CNGB3: variants seen among roughly 807,000 people sequenced by gnomAD.
CNGB3 encodes the protein cyclic nucleotide-gated channel beta-3.
A neutral mutation model predicts 92.8 loss-of-function variants in CNGB3; 86 were observed. That is an observed-to-expected ratio of 0.93 (90% CI 0.78 to 1.11). The LOEUF (loss-of-function observed/expected upper bound fraction) is 1.11, where lower values mean the gene tolerates loss of function less well. CNGB3 is among the 50% of genes least tolerant of loss of function. The pLI, the probability that CNGB3 is intolerant of heterozygous loss-of-function variation, is 0.00. For synonymous variants in CNGB3, 333 were observed against 332.7 expected, an observed-to-expected ratio of 1.00 and a Z score of -0.01; for missense variants, 1,026 against 956.8, an observed-to-expected ratio of 1.07 and a Z score of -0.95.
intron 2 of CNGB3, among the ~76,000 whole-genome samples, chr8:86,736,459 A>T (rs999078670): frequency 6.6e-6 from 1 of 152,200 alleles, no homozygotes; most frequent in Non-Finnish European, 1.5e-5. Context: ...TGAAAAAAGT[A>T]TGACAAAGAT....
intron 13 of CNGB3, among the ~76,000 whole-genome samples, chr8:86,616,804 G>A (rs1209955487): frequency 6.6e-6 from 1 of 152,146 alleles, no homozygotes; most frequent in Non-Finnish European, 1.5e-5. Context: ...GATAAGAACT[G>A]GAGTCCCAGG....
intron 17 of CNGB3, among the ~76,000 whole-genome samples, chr8:86,578,335 A>G (rs1331295299): frequency 6.6e-6 from 1 of 152,212 alleles, no homozygotes; most frequent in African/African-American, 2.4e-5. Flanking sequence ...GCTGTTGTCC[A>G]CAAATGACCA....
At chr8:86,717,407 C>CA (rs1390548560) in intron 3 of CNGB3, among the ~76,000 whole-genome samples, 3 of 151,640 alleles carry the variant, frequency 2.0e-5, no homozygotes, top group Non-Finnish European at 4.4e-5. Context: ...ACTAAAAATA[C>CA]AAAAAATTAG....
At chr8:86,719,623 C>T (rs546158353) in intron 3 of CNGB3, among the ~76,000 whole-genome samples, 2 of 152,236 alleles carry the variant, frequency 1.3e-5, no homozygotes, top group Non-Finnish European at 2.9e-5. Context: ...CACCATCATT[C>T]TTCACAGAAC....
At chr8:86,660,763 A>C in intron 6 of CNGB3, 1 of 523,630 alleles carries the variant, frequency 1.9e-6, no homozygotes, top group Admixed American at 2.0e-5. Context: ...ACACCACTCA[A>C]ACAAATGGAG....
chr8:86,684,389 G>A (rs553257502), intron 3 of CNGB3, among the ~76,000 whole-genome samples: 1 of 152,194 alleles, frequency 6.6e-6, no homozygotes, highest in East Asian at 1.9e-4. Context: ...CTCATACACT[G>A]CTGCTTGGAA....
chr8:86,593,078 T>C (rs1436731177), intron 15 of CNGB3, among the ~76,000 whole-genome samples: 2 of 152,208 alleles, frequency 1.3e-5, no homozygotes, highest in African/African-American at 4.8e-5. Flanking sequence ...AGATTTTTTT[T>C]CTGTAAAACA....
Position 86,636,572 on chromosome 8 carries a change from CAAAAAAAAAAAAAAAAAA to C in CNGB3, c.1179-3697_1179-3680del, listed in dbSNP as rs57907634. Among the ~76,000 whole-genome samples, 3 of 40,092 alleles carry C rather than the reference CAAAAAAAAAAAAAAAAAA, an allele frequency of 7.5e-5. No individual in the cohort carries two copies. In the East Asian group the frequency reaches 2.8e-3, roughly 38 times the overall value. 26.3% of individuals were successfully genotyped at this position (40,092 alleles called of 152,430 possible). On this transcript the variant is annotated intron_variant, in intron 10 of 17. Transcript: ENST00000320005. Reference sequence around the variant, plus strand: ...GGGGTGACAGAGTAAGACCCTGTCTCAAAAAAAAAAAAAAAAAAAAAAAAAAAAAGGCACTAATGTTAA... The same window carrying C: ...GGGGTGACAGAGTAAGACCCTGTCTCAAAAAAAAAAAGGCACTAATGTTAA...
At chr8:86,656,950 C>A (rs1823520306) in intron 6 of CNGB3, among the ~76,000 whole-genome samples, 3 of 152,142 alleles carry the variant, frequency 2.0e-5, no homozygotes, top group Admixed American at 1.3e-4. Context: ...CTGGAATATA[C>A]AAAATTTTAC....
chr8:86,587,685 C>G (rs1369730570), intron 15 of CNGB3, among the ~76,000 whole-genome samples: 1 of 150,776 alleles, frequency 6.6e-6, no homozygotes, highest in African/African-American at 2.4e-5. Flanking sequence ...CTGTTCTGTT[C>G]CATTGATCTA....
At chr8:86,654,779 G>A (rs1489614992) in intron 6 of CNGB3, among the ~76,000 whole-genome samples, 1 of 151,916 alleles carries the variant, frequency 6.6e-6, no homozygotes, top group Non-Finnish European at 1.5e-5. Context: ...CAGTTTTCTT[G>A]GATTCTTGGG....
chr8:86,583,317 A>G (rs28684678), intron 15 of CNGB3, among the ~76,000 whole-genome samples: 138,233 of 152,258 alleles, frequency 0.91, 63,020 homozygotes, highest in African/African-American at 0.97. Context: ...TAAGGGCTGA[A>G]AGGGAAGAAT....
intron 14 of CNGB3, among the ~76,000 whole-genome samples, chr8:86,608,569 T>G (rs1822456067): frequency 6.6e-6 from 1 of 152,226 alleles, no homozygotes; most frequent in African/African-American, 2.4e-5. Context: ...CCTAACCGTC[T>G]CCCTGTGATG....
chr8:86,612,145 GTCTA>G (rs1471885974), intron 13 of CNGB3, among the ~76,000 whole-genome samples: 1 of 151,848 alleles, frequency 6.6e-6, no homozygotes, highest in Non-Finnish European at 1.5e-5. Flanking sequence ...TTGCAGGCTG[GTCTA>G]TCTTTCTTCT....
In CNGB3 at chr8:86,739,724, C is replaced by T. The variant is rs544962784; in HGVS notation, c.142G>A (p.Gly48Ser). Reference sequence around the variant, plus strand: ...TTGGTTTTGAGAGATTTCTCTTCACCTTTGTTTTCTTCCTTTGAGAAAAAA... The same window carrying T: ...TTGGTTTTGAGAGATTTCTCTTCACTTTTGTTTTCTTCCTTTGAGAAAAAA... ...QQTTAQEENK[G>S]EEKSLKTKST... is the part of the protein sequence containing the mutation. The change falls in exon 2 of 18, where the codon GGT becomes AGT. Residue 48 changes from glycine to serine, a missense_variant. Physicochemically the swap from Gly to Ser is moderately conservative, Grantham distance 56. Transcript: ENST00000320005. 1 of 1,611,702 alleles carries T rather than the reference C, an allele frequency of 6.2e-7. No homozygotes were observed. The highest frequency in any genetic ancestry group is 1.7e-5 in the Admixed American group (1 of 59,762).
chr8:86,687,818 G>A (rs907023902), intron 3 of CNGB3, among the ~76,000 whole-genome samples: 1 of 151,968 alleles, frequency 6.6e-6, no homozygotes, highest in African/African-American at 2.4e-5. Flanking sequence ...AAGAAGCATA[G>A]TACAGTATAG....
intron 3 of CNGB3, among the ~76,000 whole-genome samples, chr8:86,701,906 A>T (rs1225949091): frequency 6.6e-6 from 1 of 152,218 alleles, no homozygotes; most frequent in East Asian, 1.9e-4. Context: ...AGGAAAAGAA[A>T]AATATGAGTT....
rs1014039105 is a variant in CNGB3, at chr8:86,594,221, T to C, written c.1781+9872A>G. 5 of 263,976 alleles carry C rather than the reference T, an allele frequency of 1.9e-5. No homozygotes were observed. In the Admixed American group the frequency reaches 2.3e-4, roughly 12 times the overall value. The allele number at this position is 263,976 out of a possible 1,614,324, so 16.4% of individuals were successfully genotyped here. On this transcript the variant is annotated intron_variant, in intron 15 of 17. Coordinates refer to ENST00000320005, the MANE Select transcript of CNGB3 (RefSeq NM_019098.5). ...CAGGGCCAAGACCTTCCCTAGGTCA[T>C]AGAAGCCCAACAAGCTGGAACCAGT...
intron 3 of CNGB3, among the ~76,000 whole-genome samples, chr8:86,683,397 A>G (rs1824120683): frequency 6.6e-6 from 1 of 152,268 alleles, no homozygotes; most frequent in Non-Finnish European, 1.5e-5. Flanking sequence ...TTTGACCTTC[A>G]AACCACTAAA....
Sources: allele counts gnomAD v4.1 joint callset (sites outside exome capture counted in the v4.1 genomes callset), GRCh38; gene constraint gnomAD v4.1.1; transcripts MANE v1.5; gene names NCBI Gene and HGNC (gene_info 2026-07-23, HGNC 2026-07-21).